PCDH15: variants seen among roughly 807,000 people sequenced by gnomAD.
PCDH15 encodes protocadherin-15.
A neutral mutation model predicts 178.5 loss-of-function variants in PCDH15; 129 were observed. The observed-to-expected ratio is 0.72, with a 90% CI of 0.63 to 0.84. The LOEUF is 0.84. PCDH15 is among the 40% of genes least tolerant of loss of function. PCDH15 has a pLI of 0.00. For synonymous variants in PCDH15, 800 were observed against 732.0 expected, an observed-to-expected ratio of 1.09 and a Z score of -1.50; for missense variants, 2,230 against 2,099.9, an observed-to-expected ratio of 1.06 and a Z score of -1.21.
intron 1 of PCDH15, among the ~76,000 whole-genome samples, chr10:55,167,079 T>C (rs1839214731): frequency 1.3e-5 from 2 of 152,262 alleles, no homozygotes; most frequent in East Asian, 1.9e-4. Flanking sequence ...AGGACAATTA[T>C]ATAGATTGAA....
At chr10:55,382,062 T>C (rs1837545294) in intron 2 of PCDH15, among the ~76,000 whole-genome samples, 1 of 152,196 alleles carries the variant, frequency 6.6e-6, no homozygotes, top group Non-Finnish European at 1.5e-5. Flanking sequence ...AATATAGATA[T>C]GAAAGCTAAA....
At chr10:55,280,444 A>ATTTTTTTTTT (rs1170034467) in intron 1 of PCDH15, among the ~76,000 whole-genome samples, 12 of 92,054 alleles carry the variant, frequency 1.3e-4, no homozygotes, top group African/African-American at 4.8e-4. Flanking sequence ...GCACCCAGCT[A>ATTTTTTTTTT]TTTTTTTTTT....
chr10:55,415,240 T>C (rs920589037), intron 2 of PCDH15, among the ~76,000 whole-genome samples: 5 of 151,680 alleles, frequency 3.3e-5, no homozygotes, highest in African/African-American at 9.7e-5. Context: ...ATAAACCTTG[T>C]ATTCCAGAGA....
intron 14 of PCDH15, among the ~76,000 whole-genome samples, chr10:54,146,952 A>ATATATATATAATGTATATATATAGTGTG (rs2044015515): frequency 1.0e-5 from 1 of 99,030 alleles, no homozygotes; most frequent in African/African-American, 4.4e-5. Context: ...TATATAGTGT[A>ATATATATATAATGTATATATATAGTGTG]TATATATATA....
intron 26 of PCDH15, among the ~76,000 whole-genome samples, chr10:53,878,007 A>G (rs2133296542): frequency 6.6e-6 from 1 of 152,074 alleles, no homozygotes; most frequent in African/African-American, 2.4e-5. Flanking sequence ...AAAGTTCATG[A>G]TTCCAACTTT....
intron 3 of PCDH15, among the ~76,000 whole-genome samples, chr10:54,817,226 C>A (rs1328345366): frequency 6.6e-6 from 1 of 151,840 alleles, no homozygotes; most frequent in Non-Finnish European, 1.5e-5. Flanking sequence ...AATGTGCATG[C>A]CATACTACAT....
intron 18 of PCDH15, among the ~76,000 whole-genome samples, chr10:54,050,965 A>AT (rs1386153234): frequency 6.6e-6 from 1 of 152,000 alleles, no homozygotes; most frequent in East Asian, 1.9e-4. Flanking sequence ...TTTTACAAGC[A>AT]TTTTTTCTCT....
At chr10:55,079,736 A>ATGGAC (rs544327727) in intron 2 of PCDH15, among the ~76,000 whole-genome samples, 1 of 152,272 alleles carries the variant, frequency 6.6e-6, no homozygotes, top group East Asian at 1.9e-4. Flanking sequence ...AGTGGCTTTA[A>ATGGAC]TGGACTGGAG....
At chr10:54,346,189 T>G (rs967654621) in intron 6 of PCDH15, among the ~76,000 whole-genome samples, 176 bp downstream of exon 6, 5 of 152,186 alleles carry the variant, frequency 3.3e-5, no homozygotes, top group African/African-American at 1.2e-4. Context: ...AAAAATTAGC[T>G]TCTAGCAATA....
At chr10:55,227,163 A>C (rs1841072129) in intron 1 of PCDH15, among the ~76,000 whole-genome samples, 1 of 152,120 alleles carries the variant, frequency 6.6e-6, no homozygotes, top group Non-Finnish European at 1.5e-5. Context: ...TAGAGCAGAC[A>C]TTAAAAATTC....
rs150421744 is a variant in PCDH15 at position 55,393,983 on chromosome 10, CT to C, written c.-155-227333del. On this transcript the variant is annotated intron_variant, in intron 2 of 5. Coordinates refer to the PCDH15 transcript ENST00000613346. ...TGCCTCCCCTTACAAATATATATAACTTTTTTTTTCTCCAAATATGCAGAAT... is the reference window on the plus strand; with the variant it reads ...TGCCTCCCCTTACAAATATATATAACTTTTTTTTCTCCAAATATGCAGAAT... Among the ~76,000 whole-genome samples, 1,018 of 151,662 alleles carry C rather than the reference CT, an allele frequency of 6.7e-3. 16 individuals carry two copies. The highest frequency in any genetic ancestry group is 0.023 in the African/African-American group (959 of 41,386).
intron 3 of PCDH15, among the ~76,000 whole-genome samples, chr10:54,866,941 G>T (rs889198123): frequency 6.6e-6 from 1 of 152,162 alleles, no homozygotes; most frequent in Non-Finnish European, 1.5e-5. Context: ...TGTTTGATGA[G>T]AAATGAACAC....
chr10:53,889,066 A>C (rs945550857), intron 26 of PCDH15, among the ~76,000 whole-genome samples: 5 of 151,726 alleles, frequency 3.3e-5, no homozygotes, highest in Non-Finnish European at 7.4e-5. Context: ...CACTCCAAAC[A>C]CACAAAAAAA....
intron 3 of PCDH15, among the ~76,000 whole-genome samples, chr10:54,414,950 G>A (rs1191871149): frequency 6.6e-6 from 1 of 151,838 alleles, no homozygotes; most frequent in Non-Finnish European, 1.5e-5. Flanking sequence ...AACCAGGAAC[G>A]TATTAGAAAA....
At chr10:54,134,672 G>T (rs2042741723) in intron 14 of PCDH15, among the ~76,000 whole-genome samples, 1 of 150,604 alleles carries the variant, frequency 6.6e-6, no homozygotes, top group Middle Eastern at 3.2e-3. Flanking sequence ...AGAATGGTGT[G>T]AACCCAGGAG....
At chr10:54,930,365 C>A (rs900487528) in intron 2 of PCDH15, among the ~76,000 whole-genome samples, 2 of 152,124 alleles carry the variant, frequency 1.3e-5, no homozygotes, top group Non-Finnish European at 2.9e-5. Flanking sequence ...CACTCAAGTG[C>A]CCCTCTCTTT....
intron 8 of PCDH15, among the ~76,000 whole-genome samples, chr10:54,250,440 G>A (rs900635579): frequency 2.0e-5 from 3 of 151,234 alleles, no homozygotes; most frequent in African/African-American, 7.3e-5. Flanking sequence ...CCGCCACCAC[G>A]CCCGGCTAAT....
chr10:55,427,477 A>G (rs775492640), intron 2 of PCDH15, among the ~76,000 whole-genome samples: 1 of 152,210 alleles, frequency 6.6e-6, no homozygotes, highest in Non-Finnish European at 1.5e-5. Context: ...TTCAAGGGCT[A>G]ATAGCCTAGT....
intron 7 of PCDH15, among the ~76,000 whole-genome samples, chr10:54,318,336 C>T (rs746715476): frequency 6.6e-6 from 1 of 152,116 alleles, no homozygotes; most frequent in Non-Finnish European, 1.5e-5. Context: ...GTGATTCCCC[C>T]ACACCCAAGT....
Sources: gnomAD v4.1 joint callset for allele counts (sites outside exome capture counted in the v4.1 genomes callset) on GRCh38, gnomAD v4.1.1 for gene constraint, MANE v1.5 for transcripts, NCBI Gene and HGNC (gene_info 2026-07-23, HGNC 2026-07-21) for gene names.